The following SP110 variants were observed in gnomAD, a reference collection of about 807,000 sequenced individuals.
SP110 encodes SP110 nuclear body protein, also known as interferon-induced protein 41, 30kD.
SP110 carries 62 observed loss-of-function variants against 92.7 expected under a neutral mutation model. The ratio of observed to expected loss-of-function variants is 0.67; its 90% CI spans 0.55 to 0.83. The LOEUF is 0.83. Ranked by LOEUF, SP110 falls within the 40% of genes least tolerant of loss-of-function variation. The pLI, the probability that SP110 is intolerant of heterozygous loss-of-function variation, is 0.00. For synonymous variants in SP110, 273 were observed against 305.3 expected (o/e 0.89, Z 1.10); for missense variants, 793 against 863.9 (o/e 0.92, Z 1.03).
chr2:230,188,256 T>C (rs1414304157), intron 10 of SP110, among the ~76,000 whole-genome samples: 1 of 152,006 alleles, frequency 6.6e-6, no homozygotes, highest in Non-Finnish European at 1.5e-5. Context: ...TGAAGTTGTT[T>C]TAAAAGGGAT....
Position 230,212,744 on chromosome 2 carries a change from T to A in SP110, c.583+17A>T. Reference sequence around the variant, plus strand: ...AGGCTGAGGATATACAGGTGTTGGATGGGATCTGTTTCTCACCTGAAGTGC... The same window carrying A: ...AGGCTGAGGATATACAGGTGTTGGAAGGGATCTGTTTCTCACCTGAAGTGC... On this transcript the variant is annotated intron_variant, in intron 4 of 18. Coordinates refer to ENST00000258381, the MANE Select transcript of SP110 (RefSeq NM_080424.4). 1.2e-6 allele frequency: 2 copies of A among 1,613,718 alleles called. No homozygotes were observed. Among genetic ancestry groups the A allele is most frequent in the South Asian group, 1.1e-5 (1 of 91,056 alleles).
At chr2:230,176,391 G>C in intron 14 of SP110, 1 of 1,218,958 alleles carries the variant, frequency 8.2e-7, no homozygotes, top group South Asian at 1.6e-5. Flanking sequence ...ATGTTGCCTA[G>C]GCTTAGAGCA....
Position 230,168,035 on chromosome 2 carries a change from G to A in SP110, c.*1089C>T, listed in dbSNP as rs925984806. ...GAGGCAGGAGAATCGCTTGCACCCA[G>A]GAGGAGGAGGTTGCAGTGAGTCAAG... On this transcript the variant is annotated 3_prime_UTR_variant, in exon 19 of 19. Transcript: ENST00000258381. 1 of 148,788 alleles carries A rather than the reference G, an allele frequency of 6.7e-6. No homozygotes were observed. Among genetic ancestry groups the A allele is most frequent in the Admixed American group, 6.8e-5 (1 of 14,680 alleles). 9.2% of individuals were successfully genotyped at this position (148,788 alleles called of 1,614,324 possible). A position where few individuals can be genotyped will look rare whatever the true frequency, so the allele number is the denominator to read the frequency against.
At chr2:230,217,114 C>A (rs1467549091) in intron 1 of SP110, among the ~76,000 whole-genome samples, 186 bp from the exon 2 acceptor site, 1 of 151,910 alleles carries the variant, frequency 6.6e-6, no homozygotes, top group South Asian at 2.1e-4. Flanking sequence ...GGTGTGGTGG[C>A]GCACGCCTGT....
intron 10 of SP110, among the ~76,000 whole-genome samples, chr2:230,195,795 GA>G (rs1175650708): frequency 2.6e-5 from 4 of 151,894 alleles, no homozygotes; most frequent in Non-Finnish European, 5.9e-5. Context: ...GAGCAGGACT[GA>G]AAAAAACTGT....
At position 230,209,916 on chromosome 2, in the gene SP110, A is replaced by G. The variant is rs372230531; in HGVS notation, c.829+15T>C. The G allele has an allele frequency of 2.6e-5, 40 of 1,530,560 alleles. No individual in the cohort carries two copies. The highest frequency in any genetic ancestry group is 3.6e-5 in the Non-Finnish European group (40 of 1,103,922). 94.8% of individuals were successfully genotyped at this position (1,530,560 alleles called of 1,614,324 possible). ...TTCACCCTTCTGACCTCTACAGAAG[A>G]AAGGCTTTTCTTACCTTTCTTGTCT... On this transcript the variant is annotated intron_variant, in intron 7 of 18. Coordinates refer to ENST00000258381, the MANE Select transcript of SP110 (RefSeq NM_080424.4).
rs1393670317 is a variant in SP110, at chr2:230,211,701, T to C, written c.668-148A>G. The C allele has an allele frequency of 4.0e-5, 27 of 669,002 alleles. No homozygotes were observed. The allele number at this position is 669,002 out of a possible 1,614,324, so 41.4% of individuals were successfully genotyped here. ...GAAAGGATGGCATAGAGTGGGAAAG[T>C]AAGCAACCATTCACTCTCAATTAGC... On this transcript the variant is annotated intron_variant, in intron 5 of 18. Coordinates refer to ENST00000258381, the MANE Select transcript of SP110 (RefSeq NM_080424.4). The surrounding 1 kb of genome is among the most constrained non-coding windows in gnomAD (Gnocchi z 4.2).
chr2:230,177,894 A>C (rs1319263023), intron 13 of SP110, among the ~76,000 whole-genome samples: 1 of 152,190 alleles, frequency 6.6e-6, no homozygotes, highest in Non-Finnish European at 1.5e-5. Context: ...CAGAATGTGC[A>C]TTCGTGTAGT....
chr2:230,171,577 G>T, intron 17 of SP110, 119 bp downstream of exon 17: 1 of 807,786 alleles, frequency 1.2e-6, no homozygotes, highest in Non-Finnish European at 2.2e-6. Context: ...CTCCACTGCT[G>T]CCACGCTGCC....
At chr2:230,191,048 C>T (rs55945652) in intron 10 of SP110, among the ~76,000 whole-genome samples, 12,056 of 152,088 alleles carry the variant, frequency 0.079, 659 homozygotes, top group South Asian at 0.25. Flanking sequence ...GGATCTTCTT[C>T]GATTCCATAT....
At chr2:230,196,478 A>T (rs1261313065) in intron 10 of SP110, among the ~76,000 whole-genome samples, 3 of 152,130 alleles carry the variant, frequency 2.0e-5, no homozygotes, top group African/African-American at 7.2e-5. Context: ...TACTTATACA[A>T]AAATAAAGTG....
rs754775004 is a variant in SP110 at position 230,208,041 on chromosome 2, C to T, written c.848G>A (p.Cys283Tyr). The change falls in exon 8 of 19, where the codon TGT (cysteine) becomes TAT (tyrosine). Residue 283 changes from cysteine to tyrosine, a missense_variant. Coordinates refer to ENST00000258381, the MANE Select transcript of SP110 (RefSeq NM_080424.4). ...SDKKGKKRKR[C>Y]IWSTPKRRHK... is the part of the protein sequence containing the mutation. ...TCTCCTTTTTGGAGTTGACCAGATA[C>T]ATCTTTTTCTTTTCTTTCCTAAAAA... 6.4e-7 allele frequency: 1 copy of T among 1,559,444 alleles called. No individual in the cohort carries two copies. Among genetic ancestry groups the T allele is most frequent in the Non-Finnish European group, 8.8e-7 (1 of 1,132,580 alleles).
At chr2:230,197,644 T>C (rs947416387) in intron 10 of SP110, among the ~76,000 whole-genome samples, 1 of 151,736 alleles carries the variant, frequency 6.6e-6, no homozygotes, top group Non-Finnish European at 1.5e-5. Flanking sequence ...ATGGTATTGC[T>C]TAGGTTTTCT....
rs28930679 is a variant in SP110, at chr2:230,212,397, G to T, written c.617C>A (p.Ala206Glu). The T allele has an allele frequency of 1.2e-6, 2 of 1,611,846 alleles. No homozygotes were observed. The highest frequency in any genetic ancestry group is 1.1e-5 in the South Asian group (1 of 91,026). ...TNDKLTSKMN[A>E]EEDSEEMPSL... ...GGGCATCTCTTCTGAGTCTTCTTCC[G>T]CATTCATTTTGGATGTTAACTTGTC... The change falls in exon 5 of 19, where the codon GCG (alanine) becomes GAG (glutamate). Residue 206 changes from alanine (A) to glutamate (E), a missense_variant. Transcript: ENST00000258381.
chr2:230,224,076 T>C (rs139202122), upstream of SP110, among the ~76,000 whole-genome samples: 8 of 152,224 alleles, frequency 5.3e-5, no homozygotes, highest in Non-Finnish European at 1.0e-4. Context: ...TAGTGGGAAA[T>C]AGAACTGAAA....
upstream of SP110, among the ~76,000 whole-genome samples, chr2:230,223,034 TCTGA>T (rs1284956867): frequency 2.0e-5 from 3 of 148,150 alleles, no homozygotes; most frequent in African/African-American, 7.4e-5. Context: ...CATCAATCAG[TCTGA>T]CTTTTTTTTT....
chr2:230,221,105 A>G (rs1403207773), upstream of SP110, among the ~76,000 whole-genome samples: 1 of 151,752 alleles, frequency 6.6e-6, no homozygotes, highest in African/African-American at 2.4e-5. Flanking sequence ...ACATGGTGAA[A>G]CCCCATCTCT....
chr2:230,169,261 A>T lies in SP110; in HGVS notation c.2029-24T>A, dbSNP rs192309250. 278 of 1,297,110 alleles carry T rather than the reference A, an allele frequency of 2.1e-4. No homozygotes were observed. In the African/African-American group the frequency reaches 3.6e-3, roughly 17 times the overall value. 80.4% of individuals were successfully genotyped at this position (1,297,110 alleles called of 1,614,324 possible). ...GCCTGAAAGAGAAAAAAGCAAACAAACACATTGAAGGATGAAGGATTACAG... is the reference window on the plus strand; with the variant it reads ...GCCTGAAAGAGAAAAAAGCAAACAATCACATTGAAGGATGAAGGATTACAG... On this transcript the variant is annotated intron_variant, in intron 18 of 18. Transcript: ENST00000258381.
intron 14 of SP110, among the ~76,000 whole-genome samples, chr2:230,174,743 T>G (rs990915587): frequency 6.6e-6 from 1 of 152,246 alleles, no homozygotes; most frequent in African/African-American, 2.4e-5. Flanking sequence ...AAACACATTT[T>G]GGGAGTACCA....
Sources: allele counts gnomAD v4.1 joint callset (sites outside exome capture counted in the v4.1 genomes callset), GRCh38; gene constraint gnomAD v4.1.1; non-coding constraint Gnocchi (gnomAD v3.1); transcripts MANE v1.5; gene names NCBI Gene and HGNC (gene_info 2026-07-23, HGNC 2026-07-21).